The following KCTD16 variants were observed in gnomAD, a reference collection of about 807,000 sequenced individuals.
KCTD16 encodes BTB/POZ domain-containing protein KCTD16.
Under a neutral mutation model 33.2 loss-of-function variants are expected in KCTD16, and 13 were observed. That is an observed-to-expected ratio of 0.39 (90% confidence interval 0.25 to 0.62). The LOEUF (loss-of-function observed/expected upper bound fraction) is 0.62. Among genes scored for constraint, KCTD16 ranks in the 20% least tolerant of loss-of-function variants. The probability of loss-of-function intolerance (pLI) is 0.50; values close to 1 mark genes in which losing one functional copy is unlikely to be tolerated. For synonymous variants in KCTD16, 197 were observed against 195.3 expected (o/e 1.01, Z -0.07); for missense variants, 441 against 525.1 (o/e 0.84, Z 1.57).
intron 2 of KCTD16, among the ~76,000 whole-genome samples, chr5:144,178,969 C>A (rs115917750): frequency 2.0e-5 from 3 of 152,130 alleles, no homozygotes; most frequent in African/African-American, 7.2e-5. Flanking sequence ...CAGGACAGCA[C>A]GTGCATCAGA....
At chr5:144,449,399 T>A (rs1177332797) in intron 3 of KCTD16, among the ~76,000 whole-genome samples, 1 of 151,748 alleles carries the variant, frequency 6.6e-6, no homozygotes, top group Non-Finnish European at 1.5e-5. Context: ...AGAAAAAAAA[T>A]ACTAAAATCC....
intron 1 of KCTD16, among the ~76,000 whole-genome samples, chr5:144,173,789 A>G (rs1055112283): frequency 3.3e-5 from 5 of 152,160 alleles, no homozygotes; most frequent in South Asian, 2.1e-4. Context: ...TAAGTTTTGC[A>G]TATTGTTTAT....
chr5:144,436,883 G>C (rs977439717), intron 3 of KCTD16, among the ~76,000 whole-genome samples: 4 of 152,168 alleles, frequency 2.6e-5, no homozygotes, highest in South Asian at 4.2e-4. Context: ...ACCAGGCCCG[G>C]CCGAAGCAAA....
intron 3 of KCTD16, among the ~76,000 whole-genome samples, chr5:144,239,243 A>G (rs1754335690): frequency 6.6e-6 from 1 of 152,148 alleles, no homozygotes; most frequent in Non-Finnish European, 1.5e-5. Flanking sequence ...TGTGAAGAGA[A>G]ATAATGTGCT....
In KCTD16 at chr5:144,481,630, AC is replaced by A. The variant is rs1754705058; in HGVS notation, c.*7517del. 1 of 151,970 alleles carries A rather than the reference AC, an allele frequency of 6.6e-6. No individual in the cohort carries two copies. 9.4% of individuals were successfully genotyped at this position (151,970 alleles called of 1,614,324 possible). ...TCTAATTCCATTTTATACAAGGGAA[AC>A]TAAGGACCCAGAAAGTTTAAATCGG... On this transcript the variant is annotated 3_prime_UTR_variant, in exon 4 of 4. Coordinates refer to ENST00000512467, the MANE Select transcript of KCTD16 (RefSeq NM_020768.4).
At chr5:144,187,439 C>T (rs1282192715) in intron 2 of KCTD16, among the ~76,000 whole-genome samples, 2 of 152,038 alleles carry the variant, frequency 1.3e-5, no homozygotes, top group Admixed American at 1.3e-4. Context: ...CACACACACA[C>T]ACACACATAT....
At chr5:144,463,774 A>C (rs541243360) in intron 3 of KCTD16, among the ~76,000 whole-genome samples, 1 of 152,316 alleles carries the variant, frequency 6.6e-6, no homozygotes, top group East Asian at 1.9e-4. Context: ...GGACATTATA[A>C]ATCTCAAATA....
intron 3 of KCTD16, among the ~76,000 whole-genome samples, chr5:144,405,583 A>G (rs1049032941): frequency 3.3e-5 from 5 of 152,176 alleles, no homozygotes; most frequent in African/African-American, 1.2e-4. Context: ...TCTGTAACAC[A>G]TGAGAAGCCT....
In KCTD16 at chr5:144,259,716, T is replaced by A. The variant is rs529776045; in HGVS notation, c.832+52170T>A. Among the ~76,000 whole-genome samples the A allele has an allele frequency of 1.3e-3, 204 of 152,364 alleles. 3 individuals carry two copies. The highest frequency in any genetic ancestry group is 5.2e-3 in the Admixed American group (79 of 15,306). On this transcript the variant is annotated intron_variant, in intron 3 of 3. Coordinates refer to ENST00000512467, the MANE Select transcript of KCTD16 (RefSeq NM_020768.4). The stretch of plus-strand genomic sequence containing the variant: ...ATGTTGGCTGACTAGGTGATGGTGA[T>A]GATACCCTGAATTTCTTTCTTTCAA...
intron 3 of KCTD16, among the ~76,000 whole-genome samples, chr5:144,286,324 T>A (rs547964368): frequency 1.3e-5 from 2 of 152,326 alleles, no homozygotes; most frequent in South Asian, 4.1e-4. Flanking sequence ...GACAGAGGCA[T>A]CACTGTAATT....
At chr5:144,362,484 G>T (rs1751736196) in intron 3 of KCTD16, among the ~76,000 whole-genome samples, 1 of 152,082 alleles carries the variant, frequency 6.6e-6, no homozygotes, top group Non-Finnish European at 1.5e-5. Flanking sequence ...TAATGACAGA[G>T]GCTTTGCTAT....
rs1554083175 is a variant in KCTD16, at chr5:144,254,313, T to TG, written c.832+46767_832+46768insG. On this transcript the variant is annotated intron_variant, in intron 3 of 3. Transcript: ENST00000512467. ...CACCAAGCCCAGCTAATTTTTTTTT[T>TG]TTGTTTTTTTAGTTAGAGATGGGGT... is the stretch of plus-strand genomic sequence containing the variant. Among the ~76,000 whole-genome samples the TG allele has an allele frequency of 6.9e-3, 1,040 of 151,440 alleles. 7 individuals carry two copies. The highest frequency in any genetic ancestry group is 0.017 in the African/African-American group (712 of 41,326).
chr5:144,217,832 C>G (rs1213166358), intron 3 of KCTD16, among the ~76,000 whole-genome samples: 1 of 151,812 alleles, frequency 6.6e-6, no homozygotes, highest in Non-Finnish European at 1.5e-5. Flanking sequence ...TCATCTGCAC[C>G]CTTACATGCA....
intron 3 of KCTD16, among the ~76,000 whole-genome samples, chr5:144,473,434 C>G (rs1754522894): frequency 1.3e-5 from 2 of 152,092 alleles, no homozygotes. Context: ...AAGCATTATA[C>G]TATATTTCCT....
At chr5:144,343,016 T>C (rs889184755) in intron 3 of KCTD16, among the ~76,000 whole-genome samples, 3 of 152,226 alleles carry the variant, frequency 2.0e-5, no homozygotes, top group African/African-American at 7.2e-5. Flanking sequence ...TCAATGTTCA[T>C]CAAGGATATT....
chr5:144,324,082 A>G (rs1206657008), intron 3 of KCTD16, among the ~76,000 whole-genome samples: 4 of 152,130 alleles, frequency 2.6e-5, no homozygotes, highest in South Asian at 4.1e-4. Context: ...TCCAAATTCA[A>G]TCTCTTCCCA....
At chr5:144,386,667 C>T (rs901118811) in intron 3 of KCTD16, among the ~76,000 whole-genome samples, 23 of 152,088 alleles carry the variant, frequency 1.5e-4, no homozygotes, top group Admixed American at 1.0e-3. Flanking sequence ...TAGCTTAATG[C>T]ACTGCTTATA....
chr5:144,215,134 G>A (rs1379533043), intron 3 of KCTD16, among the ~76,000 whole-genome samples: 1 of 152,026 alleles, frequency 6.6e-6, no homozygotes, highest in African/African-American at 2.4e-5. Context: ...CATACTAGTT[G>A]GATTTCTCAC....
At chr5:144,325,423 G>T (rs1404318255) in intron 3 of KCTD16, among the ~76,000 whole-genome samples, 1 of 152,006 alleles carries the variant, frequency 6.6e-6, no homozygotes, top group African/African-American at 2.4e-5. Context: ...TCTTCAACAG[G>T]AATCAAAGGC....
Sources: allele counts gnomAD v4.1 joint callset (sites outside exome capture counted in the v4.1 genomes callset), GRCh38; gene constraint gnomAD v4.1.1; transcripts MANE v1.5; gene names NCBI Gene and HGNC (gene_info 2026-07-23, HGNC 2026-07-21).